The following TMEM232 variants were observed in gnomAD, a reference collection of about 807,000 sequenced individuals.
TMEM232 encodes transmembrane protein 232.
Under a neutral mutation model 78.8 loss-of-function variants are expected in TMEM232, and 80 were observed. The ratio of observed to expected loss-of-function variants is 1.01; its 90% CI spans 0.85 to 1.22. The LOEUF (loss-of-function observed/expected upper bound fraction) is 1.22, where lower values mean the gene tolerates loss of function less well. TMEM232 is among the 50% of genes most tolerant of loss of function. TMEM232 has a pLI of 0.00. For missense variants in TMEM232, 881 were observed against 742.2 expected, an observed-to-expected ratio of 1.19 and a Z score of -2.17; for synonymous variants, 297 against 254.3, an observed-to-expected ratio of 1.17 and a Z score of -1.60.
At chr5:110,408,264 G>A (rs1427738507) in intron 2 of TMEM232, among the ~76,000 whole-genome samples, 1 of 151,972 alleles carries the variant, frequency 6.6e-6, no homozygotes, top group Non-Finnish European at 1.5e-5. Context: ...TAATAATAAA[G>A]ATCAGAGCAG....
At chr5:110,609,246 A>C (rs1256335650) in intron 8 of TMEM232, among the ~76,000 whole-genome samples, 1 of 152,030 alleles carries the variant, frequency 6.6e-6, no homozygotes, top group African/African-American at 2.4e-5. Context: ...CGAAAACAGA[A>C]AGAGACATCA....
At chr5:110,669,666 G>C (rs1791099371) in intron 1 of TMEM232, among the ~76,000 whole-genome samples, 2 of 152,166 alleles carry the variant, frequency 1.3e-5, no homozygotes, top group Admixed American at 6.6e-5. Context: ...AAGCCTGGCA[G>C]AGACACAACC....
intron 10 of TMEM232, among the ~76,000 whole-genome samples, chr5:110,569,047 T>C (rs377166987): frequency 1.3e-5 from 2 of 151,814 alleles, no homozygotes; most frequent in African/African-American, 2.4e-5. Context: ...TCAAACATTA[T>C]GAAACATGGT....
At chr5:110,713,483 G>T (rs922477493) in intron 1 of TMEM232, among the ~76,000 whole-genome samples, 1 of 151,916 alleles carries the variant, frequency 6.6e-6, no homozygotes, top group African/African-American at 2.4e-5. Context: ...ATTATGCATT[G>T]CAAGCCTGTA....
At chr5:110,409,387 T>TA (rs1239188745) in intron 2 of TMEM232, among the ~76,000 whole-genome samples, 1 of 152,220 alleles carries the variant, frequency 6.6e-6, no homozygotes, top group Non-Finnish European at 1.5e-5. Context: ...TTCATGCACA[T>TA]ACAGGCCCTG....
chr5:110,621,536 G>A lies in TMEM232; in HGVS notation c.769-2974C>T, dbSNP rs143894419. Among the ~76,000 whole-genome samples, 67 of 151,942 alleles carry A rather than the reference G, an allele frequency of 4.4e-4. 1 individual carries two copies. The East Asian group carries it at 9.9e-3, about 22-fold the overall frequency. On this transcript the variant is annotated intron_variant, in intron 7 of 13. Transcript: ENST00000455884. ...CTATTTTAGTTTTCAGTAATTTGTC[G>A]TCATTATTATTATATTTTACAAAAT...
intron 2 of TMEM232, among the ~76,000 whole-genome samples, chr5:110,732,688 T>C (rs953572582): frequency 2.6e-5 from 4 of 152,218 alleles, no homozygotes; most frequent in Admixed American, 1.3e-4. Flanking sequence ...TTCTGGGAGA[T>C]ACAATTCAAG....
upstream of TMEM232, among the ~76,000 whole-genome samples, chr5:110,730,908 T>G (rs1341189798): frequency 6.6e-6 from 1 of 152,128 alleles, no homozygotes; most frequent in East Asian, 1.9e-4. Context: ...CCCTAAAGTC[T>G]TAACTCATTT....
chr5:110,675,086 G>A (rs1283769361), intron 1 of TMEM232, among the ~76,000 whole-genome samples: 1 of 151,816 alleles, frequency 6.6e-6, no homozygotes, highest in Non-Finnish European at 1.5e-5. Flanking sequence ...CTGTCACCCA[G>A]GCTGGATGGA....
intron 2 of TMEM232, among the ~76,000 whole-genome samples, chr5:110,665,905 A>C (rs1028205868): frequency 2.0e-5 from 3 of 151,606 alleles, no homozygotes; most frequent in East Asian, 1.9e-4. Flanking sequence ...AAAAAAAAAA[A>C]AAAAAAACTA....
chr5:110,721,669 G>GTATATATATATATA lies in TMEM232; in HGVS notation c.-13+4957_-13+4958insTATATATATATATA, dbSNP rs749643657. Among the ~76,000 whole-genome samples the GTATATATATATATA allele has an allele frequency of 1.6e-3, 37 of 23,816 alleles. 1 individual carries two copies. The highest frequency in any genetic ancestry group is 2.0e-3 in the Non-Finnish European group (15 of 7,498). 15.6% of individuals were successfully genotyped at this position (23,816 alleles called of 152,430 possible). ...GTCTGCATATCATGTGTGTGTGTGT[G>GTATATATATATATA]TGTGTATATATATATCTGTGTGTGT... On this transcript the variant is annotated intron_variant, in intron 1 of 13. Coordinates refer to ENST00000455884, the MANE Select transcript of TMEM232 (RefSeq NM_001039763.4).
At chr5:110,431,387 A>AAGTT (rs70999967) in intron 12 of TMEM232, among the ~76,000 whole-genome samples, 19,609 of 151,528 alleles carry the variant, frequency 0.13, 1,613 homozygotes, top group East Asian at 0.33. Context: ...TTTAACTTAA[A>AAGTT]AGTTAGATAA....
intron 1 of TMEM232, among the ~76,000 whole-genome samples, chr5:110,725,437 G>A (rs982961579): frequency 2.0e-5 from 3 of 152,236 alleles, no homozygotes; most frequent in East Asian, 3.9e-4. Flanking sequence ...AGCTCTGGAT[G>A]GACAATGAAC....
intron 2 of TMEM232, among the ~76,000 whole-genome samples, chr5:110,654,348 AG>A (rs1366364392): frequency 6.6e-6 from 1 of 152,212 alleles, no homozygotes; most frequent in Non-Finnish European, 1.5e-5. Flanking sequence ...GAAGGGATCC[AG>A]TTTCAGCTTT....
chr5:110,545,377 G>A lies in TMEM232; in HGVS notation c.1456-16542C>T, dbSNP rs572770443. On this transcript the variant is annotated intron_variant, in intron 11 of 13. Coordinates refer to ENST00000455884, the MANE Select transcript of TMEM232 (RefSeq NM_001039763.4). ...TAACAGATACTTTGTACAGTGCCTG[G>A]TGCATGATAAAGGCACTACAAAAAC... 2.0e-5 allele frequency among the ~76,000 whole-genome samples: 3 copies of A among 151,984 alleles called. No individual in the cohort carries two copies. In the South Asian group the frequency reaches 6.2e-4, roughly 32 times the overall value.
At chr5:110,678,834 C>T (rs1792356636) in intron 1 of TMEM232, among the ~76,000 whole-genome samples, 1 of 152,102 alleles carries the variant, frequency 6.6e-6, no homozygotes, top group Non-Finnish European at 1.5e-5. Context: ...TAAGGTTCCT[C>T]CATGTCTTTT....
chr5:110,688,189 A>G (rs535540209), intron 1 of TMEM232, among the ~76,000 whole-genome samples: 1 of 152,262 alleles, frequency 6.6e-6, no homozygotes, highest in South Asian at 2.1e-4. Flanking sequence ...GGCAGAAGAT[A>G]AATGTAGAAT....
chr5:110,617,981 A>G, intron 8 of TMEM232: 1 of 172,968 alleles, frequency 5.8e-6, no homozygotes, highest in South Asian at 1.4e-4. Context: ...ACTGCATTCC[A>G]GCCTGGGTGA....
At chr5:110,712,101 A>G (rs1382675945) in intron 1 of TMEM232, among the ~76,000 whole-genome samples, 76 of 103,612 alleles carry the variant, frequency 7.3e-4, no homozygotes, top group Admixed American at 2.5e-3. Context: ...GCGAGACTCA[A>G]TCTCAAAAAA....
Sources: allele counts gnomAD v4.1 joint callset (sites outside exome capture counted in the v4.1 genomes callset), GRCh38; gene constraint gnomAD v4.1.1; transcripts MANE v1.5; gene names NCBI Gene and HGNC (gene_info 2026-07-23, HGNC 2026-07-21).